The following ZNF568 variants were observed in gnomAD, a reference collection of about 807,000 sequenced individuals.
ZNF568 encodes the protein zinc finger protein 568.
In ZNF568, 11 loss-of-function variants were observed where a neutral mutation model predicts 18.1. The observed-to-expected ratio is 0.61, with a 90% confidence interval of 0.38 to 1.00. The LOEUF (loss-of-function observed/expected upper bound fraction) is 1.00, where lower values mean the gene tolerates loss of function less well. Among genes scored for constraint, ZNF568 ranks in the 50% least tolerant of loss-of-function variants. The pLI is 0.01. For synonymous variants in ZNF568, 213 were observed against 246.6 expected, an observed-to-expected ratio of 0.86 and a Z score of 1.28; for missense variants, 639 against 768.2, an observed-to-expected ratio of 0.83 and a Z score of 1.99.
intron 6 of ZNF568, among the ~76,000 whole-genome samples, chr19:36,945,378 GC>G (rs1470663395): frequency 6.6e-6 from 1 of 151,964 alleles, no homozygotes; most frequent in Non-Finnish European, 1.5e-5. Context: ...CTCCTCCTCA[GC>G]CTACTCAGTG....
chr19:36,989,435 G>A (rs957627458), intron 2 of ZNF568, among the ~76,000 whole-genome samples: 2 of 152,258 alleles, frequency 1.3e-5, no homozygotes, highest in Admixed American at 6.5e-5. Context: ...CACCCACCTC[G>A]GCCTCTCAAA....
chr19:36,959,954 A>G (rs974654121), intron 6 of ZNF568, among the ~76,000 whole-genome samples: 6 of 151,700 alleles, frequency 4.0e-5, no homozygotes, highest in African/African-American at 1.2e-4. Context: ...CCAACTTTTC[A>G]TTTTGTGGAT....
rs189204963 is a variant in ZNF568 at position 36,941,163 on chromosome 19, A to C, written c.358+3921A>C. Among the ~76,000 whole-genome samples the C allele has an allele frequency of 7.7e-4, 118 of 152,340 alleles. 2 individuals are homozygous for C. The highest frequency in any genetic ancestry group is 1.0e-4 in the Non-Finnish European group (7 of 68,030). ...AAGCAGGGGTTTATAAGATAAACAG[A>C]ATATGAAGGTTAAAACACATCTAGT... On this transcript the variant is annotated intron_variant, in intron 6 of 6. Transcript: ENST00000333987.
At chr19:36,928,434 T>C (rs1373756919) in intron 4 of ZNF568, among the ~76,000 whole-genome samples, 1 of 152,132 alleles carries the variant, frequency 6.6e-6, no homozygotes, top group Non-Finnish European at 1.5e-5. Flanking sequence ...ACAACACATA[T>C]ATATGTGCAG....
intron 6 of ZNF568, among the ~76,000 whole-genome samples, chr19:36,943,303 C>T (rs944053858): frequency 6.9e-6 from 1 of 144,750 alleles, no homozygotes; most frequent in Non-Finnish European, 1.5e-5. Context: ...ACCTATTGAC[C>T]ATCATAGCCT....
chr19:36,928,956 C>A (rs2073632216), intron 4 of ZNF568, among the ~76,000 whole-genome samples: 2 of 151,978 alleles, frequency 1.3e-5, no homozygotes, highest in Non-Finnish European at 1.5e-5. Context: ...AATAACAATT[C>A]TAAATTATTT....
chr19:36,991,019 C>T (rs945835042), intron 2 of ZNF568: 1 of 716,114 alleles, frequency 1.4e-6, no homozygotes, highest in Non-Finnish European at 2.2e-6. Context: ...TCTGATCACC[C>T]CTGTTTCCAC....
chr19:36,950,829 A>G lies in ZNF568; in HGVS notation c.1676A>G (p.Lys559Arg). 6.2e-7 allele frequency: 1 copy of G among 1,613,592 alleles called. No individual in the cohort carries two copies. The highest frequency in any genetic ancestry group is 2.2e-5 in the East Asian group (1 of 44,814). ...EKIHTGEKPF[K>R]CNECGKAFSR... ...ATTCATACTGGAGAGAAACCATTCA[A>G]ATGTAATGAATGTGGTAAAGCCTTC... Residue 559 changes from lysine to arginine, a missense_variant, in exon 7 of 7, where the codon AAA becomes AGA. Lys to Arg is a conservative substitution (Grantham distance 26, BLOSUM62 2). Coordinates refer to ENST00000333987, the MANE Select transcript of ZNF568 (RefSeq NM_198539.4).
chr19:36,923,723 A>G (rs2073497977), intron 3 of ZNF568, among the ~76,000 whole-genome samples: 1 of 151,882 alleles, frequency 6.6e-6, no homozygotes, highest in African/African-American at 2.4e-5. Flanking sequence ...GGTGGTTTTA[A>G]CATCTTTTTA....
At chr19:36,946,921 C>A (rs1003634824) in intron 6 of ZNF568, among the ~76,000 whole-genome samples, 1 of 152,094 alleles carries the variant, frequency 6.6e-6, no homozygotes, top group Non-Finnish European at 1.5e-5. Flanking sequence ...GCTGGGATTA[C>A]AGGCTTGAGC....
At chr19:36,994,900 T>C (rs1294089408) in intron 4 of ZNF568, among the ~76,000 whole-genome samples, 1 of 152,156 alleles carries the variant, frequency 6.6e-6, no homozygotes, top group African/African-American at 2.4e-5. Context: ...TCTGCCGGCC[T>C]CAGCCTCCCA....
At chr19:36,928,335 C>T (rs1327784293) in intron 4 of ZNF568, among the ~76,000 whole-genome samples, 1 of 151,954 alleles carries the variant, frequency 6.6e-6, no homozygotes, top group African/African-American at 2.4e-5. Context: ...TTTTTTAACT[C>T]AGAACCTGTG....
At chr19:36,946,812 C>G (rs1187389254) in intron 6 of ZNF568, among the ~76,000 whole-genome samples, 1 of 151,378 alleles carries the variant, frequency 6.6e-6, no homozygotes, top group Non-Finnish European at 1.5e-5. Context: ...TCCACCACAC[C>G]CAACTAATTT....
In ZNF568 at chr19:36,951,850, A is replaced by G; in HGVS notation, c.*762A>G. 1.4e-6 allele frequency: 1 copy of G among 694,528 alleles called. No individual in the cohort carries two copies. The highest frequency in any genetic ancestry group is 1.8e-6 in the Non-Finnish European group (1 of 565,576). 43.0% of individuals were successfully genotyped at this position (694,528 alleles called of 1,614,324 possible). A position where few individuals can be genotyped will look rare whatever the true frequency, so the allele number is the denominator to read the frequency against. On this transcript the variant is annotated 3_prime_UTR_variant, in exon 7 of 7. Coordinates refer to ENST00000333987, the MANE Select transcript of ZNF568 (RefSeq NM_198539.4). ...CACCATGTTGGCCAGGGTAGTCTTG[A>G]ACTCCTGACTTCAAAAGTGATCGCC... is the stretch of plus-strand genomic sequence containing the variant.
At chr19:36,981,138 T>A (rs1306891511), downstream of ZNF568, among the ~76,000 whole-genome samples, 3 of 152,198 alleles carry the variant, frequency 2.0e-5, no homozygotes, top group African/African-American at 7.2e-5. Context: ...TAAATTAAGT[T>A]TCCCTATGTA....
At chr19:36,959,641 T>C (rs190553645) in intron 6 of ZNF568, among the ~76,000 whole-genome samples, 1 of 152,278 alleles carries the variant, frequency 6.6e-6, no homozygotes, top group East Asian at 1.9e-4. Context: ...GACCCTGGGC[T>C]TTTCTTGGTT....
downstream of ZNF568, among the ~76,000 whole-genome samples, chr19:36,954,082 G>T (rs534028973): frequency 7.9e-5 from 12 of 151,512 alleles, no homozygotes; most frequent in South Asian, 2.3e-3. Context: ...AAATTAGCTG[G>T]GCGTGGTGGT....
At chr19:36,960,545 C>T (rs1380427159) in intron 6 of ZNF568, among the ~76,000 whole-genome samples, 1 of 151,572 alleles carries the variant, frequency 6.6e-6, no homozygotes, top group Non-Finnish European at 1.5e-5. Context: ...TTCCTTTGGC[C>T]TGGCATGGTG....
chr19:36,930,268 G>A (rs1254267814), intron 4 of ZNF568, among the ~76,000 whole-genome samples: 2 of 148,150 alleles, frequency 1.3e-5, no homozygotes, highest in Non-Finnish European at 3.0e-5. Context: ...GGAGTGCAAT[G>A]GCACAATCTT....
Sources: allele counts gnomAD v4.1 joint callset (sites outside exome capture counted in the v4.1 genomes callset), GRCh38; gene constraint gnomAD v4.1.1; transcripts MANE v1.5; gene names NCBI Gene and HGNC (gene_info 2026-07-23, HGNC 2026-07-21).